The following DLGAP2 variants were observed in gnomAD, a reference collection of about 807,000 sequenced individuals.
The protein encoded by DLGAP2 is disks large-associated protein 2.
In DLGAP2, 26 loss-of-function variants were observed where a neutral mutation model predicts 100.3. The observed-to-expected ratio is 0.26, with a 90% CI of 0.19 to 0.36. The LOEUF (loss-of-function observed/expected upper bound fraction) is 0.36. Among genes scored for constraint, DLGAP2 ranks in the 10% least tolerant of loss-of-function variants. The pLI, the probability that DLGAP2 is intolerant of heterozygous loss-of-function variation, is 1.00. For synonymous variants in DLGAP2, 886 were observed against 630.1 expected, an observed-to-expected ratio of 1.41 and a Z score of -6.08; for missense variants, 1,858 against 1,453.2, an observed-to-expected ratio of 1.28 and a Z score of -4.53.
At chr8:1,040,249 G>A (rs1361750239) in intron 2 of DLGAP2, among the ~76,000 whole-genome samples, 4 of 136,534 alleles carry the variant, frequency 2.9e-5, no homozygotes, top group South Asian at 2.9e-4. Context: ...TGGTCAGCTC[G>A]GTTTCCATGG....
intron 1 of DLGAP2, among the ~76,000 whole-genome samples, chr8:774,290 T>C (rs1166409381): frequency 3.3e-5 from 5 of 152,218 alleles, no homozygotes; most frequent in South Asian, 2.1e-4. Context: ...TTCTCCCATT[T>C]TGTGAGTTGC....
At chr8:1,184,331 C>G (rs761001721) in intron 2 of DLGAP2, among the ~76,000 whole-genome samples, 3 of 152,250 alleles carry the variant, frequency 2.0e-5, no homozygotes, top group African/African-American at 7.2e-5. Context: ...GTGGGAGATG[C>G]GTCCGAAACG....
intron 1 of DLGAP2, among the ~76,000 whole-genome samples, chr8:832,004 T>C (rs1796793507): frequency 6.6e-6 from 1 of 152,254 alleles, no homozygotes; most frequent in Admixed American, 6.5e-5. Context: ...ATTGCATAAA[T>C]GTCTTCTTTT....
At chr8:1,207,246 C>T (rs73540155) in intron 2 of DLGAP2, among the ~76,000 whole-genome samples, 1,615 of 152,284 alleles carry the variant, frequency 0.011, 33 homozygotes, top group African/African-American at 0.037. Context: ...CATCCTTCCC[C>T]GAGTCCCCAA....
chr8:1,092,528 C>T (rs915980229), intron 2 of DLGAP2, among the ~76,000 whole-genome samples: 2 of 152,200 alleles, frequency 1.3e-5, no homozygotes, highest in African/African-American at 4.8e-5. Flanking sequence ...TCTGGGGTCT[C>T]CTGGCAGGAA....
In DLGAP2 at chr8:1,096,327, G is replaced by A. The variant is rs147358466; in HGVS notation, c.74-162524G>A. Among the ~76,000 whole-genome samples, 337 of 152,338 alleles carry A rather than the reference G, an allele frequency of 2.2e-3. 12 individuals are homozygous for A. The East Asian group carries it at 0.052, about 24-fold the overall frequency. On this transcript the variant is annotated intron_variant, in intron 2 of 14. Transcript: ENST00000637795. ...ACTTGGATGCAGGAGGTTTGTGTGT[G>A]GGCTCAGGGCACCAGCATTTAAATG...
At chr8:1,622,013 G>A (rs1797356406) in intron 6 of DLGAP2, 1 of 152,228 alleles carries the variant, frequency 6.6e-6, no homozygotes, top group South Asian at 2.1e-4. Flanking sequence ...CTGGAAAGAA[G>A]CCATTTTCTG....
At chr8:1,007,404 C>T (rs1801150397) in intron 2 of DLGAP2, among the ~76,000 whole-genome samples, 1 of 152,240 alleles carries the variant, frequency 6.6e-6, no homozygotes, top group Non-Finnish European at 1.5e-5. Context: ...CAGCATTTTC[C>T]TGCTACCTTT....
chr8:1,213,370 A>T (rs990520375), intron 2 of DLGAP2, among the ~76,000 whole-genome samples: 2 of 149,978 alleles, frequency 1.3e-5, no homozygotes, highest in Non-Finnish European at 2.9e-5. Flanking sequence ...TCCACTGTGT[A>T]TTGCAATGAT....
intron 3 of DLGAP2, among the ~76,000 whole-genome samples, chr8:1,433,255 A>G (rs1227558830): frequency 6.6e-6 from 1 of 152,168 alleles, no homozygotes; most frequent in Non-Finnish European, 1.5e-5. Flanking sequence ...GCCTCTGGCA[A>G]CAGAACCCAT....
rs1428306861 is a variant in DLGAP2, at chr8:1,494,352, A to C, written c.107-7014A>C. 2.0e-5 allele frequency among the ~76,000 whole-genome samples: 3 copies of C among 152,224 alleles called. No individual in the cohort carries two copies. The East Asian group carries it at 5.8e-4, about 29-fold the overall frequency. On this transcript the variant is annotated intron_variant, in intron 3 of 14. Coordinates refer to ENST00000637795, the MANE Select transcript of DLGAP2 (RefSeq NM_001346810.2). ...AAGACGCAATTGTGCTTTGAGTTTA[A>C]AAACCTGTCAATTTAAAGTGTGCAT...
At position 1,668,540 on chromosome 8, in the gene DLGAP2, C is replaced by G; in HGVS notation, c.2022C>G (p.Asn674Lys). 6.3e-7 allele frequency: 1 copy of G among 1,592,180 alleles called. No homozygotes were observed. Among genetic ancestry groups the G allele is most frequent in the Non-Finnish European group, 8.5e-7 (1 of 1,170,476 alleles). Residue 674 changes from asparagine (N) to lysine (K), a missense_variant, in exon 9 of 15, where the codon AAC becomes AAG. Physicochemically the swap from Asn to Lys is moderately conservative, Grantham distance 94 (BLOSUM62 0). Coordinates refer to ENST00000637795, the MANE Select transcript of DLGAP2 (RefSeq NM_001346810.2). ...TDSLDSNKAM[N>K]LALETAAAQR... ...GCCTGGACAGCAACAAGGCCATGAA[C>G]CTCGCGCTGGAAACGGCCGCTGCCC...
At chr8:1,587,202 C>T (rs569570886) in intron 6 of DLGAP2, among the ~76,000 whole-genome samples, 1 of 152,214 alleles carries the variant, frequency 6.6e-6, no homozygotes, top group Non-Finnish European at 1.5e-5. Flanking sequence ...TTGCAGAAAT[C>T]CATTGCCCGT....
At chr8:1,185,021 C>T (rs888415493) in intron 2 of DLGAP2, among the ~76,000 whole-genome samples, 24 of 151,778 alleles carry the variant, frequency 1.6e-4, no homozygotes, top group Non-Finnish European at 1.5e-5. Flanking sequence ...GGGTCTGACC[C>T]GGGGGACGGG....
Position 1,527,991 on chromosome 8 carries a change from G to A in DLGAP2, c.173-20635G>A, listed in dbSNP as rs1800850957. On this transcript the variant is annotated intron_variant, in intron 4 of 14. Transcript: ENST00000637795. ...TCATGGACATTTTTTGTACAGTTAT[G>A]ACACTTCAGCTAAAAGAAAAAAGTC... 3.3e-5 allele frequency among the ~76,000 whole-genome samples: 5 copies of A among 151,634 alleles called. No individual in the cohort carries two copies. The South Asian group carries it at 1.0e-3, about 31-fold the overall frequency.
intron 6 of DLGAP2, among the ~76,000 whole-genome samples, chr8:1,586,716 C>T (rs546813128): frequency 4.6e-5 from 7 of 152,310 alleles, no homozygotes; most frequent in South Asian, 2.1e-4. Context: ...TGTCACTGGA[C>T]GGACACACTG....
At chr8:1,203,976 G>C (rs535361130) in intron 2 of DLGAP2, among the ~76,000 whole-genome samples, 22 of 152,332 alleles carry the variant, frequency 1.4e-4, no homozygotes, top group African/African-American at 5.1e-4. Context: ...CTTCCAAAAA[G>C]GCGTTCTTTT....
At chr8:1,071,692 G>C (rs1217223337) in intron 2 of DLGAP2, among the ~76,000 whole-genome samples, 1 of 152,094 alleles carries the variant, frequency 6.6e-6, no homozygotes, top group Non-Finnish European at 1.5e-5. Flanking sequence ...AACTTGTTAG[G>C]ATAACAGTGG....
At chr8:1,093,301 ACAGT>A (rs57137655) in intron 2 of DLGAP2, among the ~76,000 whole-genome samples, 23,068 of 150,810 alleles carry the variant, frequency 0.15, 1,683 homozygotes, top group Admixed American at 0.2. Context: ...CTTCACACTG[ACAGT>A]CAGACGGAAA....
Sources: gnomAD v4.1 joint callset for allele counts (sites outside exome capture counted in the v4.1 genomes callset) on GRCh38, gnomAD v4.1.1 for gene constraint, MANE v1.5 for transcripts, NCBI Gene and HGNC (gene_info 2026-07-23, HGNC 2026-07-21) for gene names.